IQGAP2: variants seen among roughly 807,000 people sequenced by gnomAD.
IQGAP2 encodes the protein IQ motif containing GTPase activating protein 2.
IQGAP2 carries 173 observed loss-of-function variants against 201.3 expected under a neutral mutation model. The observed-to-expected ratio is 0.86, with a 90% CI of 0.76 to 0.98. The LOEUF is 0.98. Ranked by LOEUF, IQGAP2 falls within the 50% of genes least tolerant of loss-of-function variation. The pLI is 0.00. For synonymous variants in IQGAP2, 675 were observed against 673.9 expected (o/e 1.00, Z -0.03); for missense variants, 1,687 against 1,864.8 (o/e 0.90, Z 1.76).
intron 9 of IQGAP2, among the ~76,000 whole-genome samples, chr5:76,595,627 G>A (rs530776455): frequency 6.6e-6 from 1 of 151,974 alleles, no homozygotes; most frequent in East Asian, 1.9e-4. Flanking sequence ...CGGGTGTGGT[G>A]GCACACAACT....
At chr5:76,618,317 T>C in intron 13 of IQGAP2, 1 of 1,614,170 alleles carries the variant, frequency 6.2e-7, no homozygotes, top group South Asian at 1.1e-5. Context: ...TGGTGTAGAA[T>C]ACAGTGGTAC....
intron 17 of IQGAP2, among the ~76,000 whole-genome samples, chr5:76,647,295 T>A (rs1384204640): frequency 2.0e-5 from 3 of 151,892 alleles, no homozygotes; most frequent in African/African-American, 7.2e-5. Context: ...GTTCTTTGAG[T>A]TTTCTTTTTG....
chr5:76,429,891 A>ATGAC, intron 1 of IQGAP2, among the ~76,000 whole-genome samples: 1 of 126,890 alleles, frequency 7.9e-6, no homozygotes, highest in African/African-American at 2.7e-5. Context: ...ACACACACAC[A>ATGAC]CACGACTATT....
At chr5:76,435,165 T>C (rs1752587623) in intron 1 of IQGAP2, among the ~76,000 whole-genome samples, 1 of 152,162 alleles carries the variant, frequency 6.6e-6, no homozygotes, top group Admixed American at 6.5e-5. Flanking sequence ...ATCTGTTTAC[T>C]CTGCTGGTTA....
At chr5:76,613,394 G>A (rs1463313848) in intron 13 of IQGAP2, among the ~76,000 whole-genome samples, 3 of 152,118 alleles carry the variant, frequency 2.0e-5, no homozygotes, top group Admixed American at 6.5e-5. Flanking sequence ...CCACAAATTA[G>A]TTATGTGATC....
chr5:76,605,532 G>A (rs923030173), intron 11 of IQGAP2, among the ~76,000 whole-genome samples: 4 of 152,132 alleles, frequency 2.6e-5, no homozygotes, highest in African/African-American at 7.2e-5. Flanking sequence ...AGCCTTTGGA[G>A]AAATGGGCAG....
At position 76,606,170 on chromosome 5, in the gene IQGAP2, C is replaced by A; in HGVS notation, c.1233-9C>A. The A allele has an allele frequency of 6.3e-7, 1 of 1,583,512 alleles. No individual in the cohort carries two copies. Among genetic ancestry groups the A allele is most frequent in the South Asian group, 1.2e-5 (1 of 83,722 alleles). ...CTAATTAACATCAAGATTATTTTCT[C>A]TTCCACAGTTATGCAAACACACTAC... On this transcript the variant is annotated splice_polypyrimidine_tract_variant and intron_variant, in intron 11 of 35. Transcript: ENST00000274364.
intron 2 of IQGAP2, among the ~76,000 whole-genome samples, chr5:76,531,686 A>G (rs892477008): frequency 1.3e-5 from 2 of 152,226 alleles, no homozygotes; most frequent in Admixed American, 6.5e-5. Flanking sequence ...TTAATTATTC[A>G]AAGAATACAT....
At chr5:76,445,692 T>C (rs1364093604) in intron 1 of IQGAP2, among the ~76,000 whole-genome samples, 1 of 152,162 alleles carries the variant, frequency 6.6e-6, no homozygotes, top group African/African-American at 2.4e-5. Context: ...CTCGAACTCC[T>C]GACTTCAGGT....
rs2150544930 is a variant in IQGAP2 at position 76,695,609 on chromosome 5, G to A, written c.4149G>A (p.Gln1383=). The A allele has an allele frequency of 6.2e-7, 1 of 1,614,148 alleles. No homozygotes were observed. The highest frequency in any genetic ancestry group is 1.3e-5 in the African/African-American group (1 of 75,034). ...AGAGGAATCTTCGGACGTTGGAACA[G>A]ACTGGACACGTGTCATCCGAAAATA... ...KIQRNLRTLE[Q]TGHVSSENKY... Residue 1383 remains glutamine (Q), a synonymous_variant, in exon 32 of 36, where the codon CAG becomes CAA. Transcript: ENST00000274364.
At chr5:76,598,423 C>A (rs1173821658) in intron 10 of IQGAP2, among the ~76,000 whole-genome samples, 1 of 151,914 alleles carries the variant, frequency 6.6e-6, no homozygotes, top group Non-Finnish European at 1.5e-5. Context: ...AAAACATGAG[C>A]AGGCAATTCA....
chr5:76,689,243 A>T (rs1746055377), intron 30 of IQGAP2, among the ~76,000 whole-genome samples: 1 of 149,226 alleles, frequency 6.7e-6, no homozygotes, highest in Admixed American at 6.6e-5. Flanking sequence ...AAAAAAAAAA[A>T]AAAAAAAAAA....
chr5:76,643,452 T>C (rs1751754520), intron 17 of IQGAP2, among the ~76,000 whole-genome samples: 1 of 152,188 alleles, frequency 6.6e-6, no homozygotes, highest in South Asian at 2.1e-4. Flanking sequence ...GAAGACTGAC[T>C]GGAATAATTC....
intron 2 of IQGAP2, among the ~76,000 whole-genome samples, chr5:76,532,813 G>A (rs758352928): frequency 7.9e-5 from 12 of 152,204 alleles, no homozygotes; most frequent in Non-Finnish European, 1.0e-4. Context: ...CCTCTGAGAG[G>A]ATGGCCCAGA....
intron 2 of IQGAP2, among the ~76,000 whole-genome samples, chr5:76,502,743 T>C (rs781457421): frequency 6.6e-6 from 1 of 152,228 alleles, no homozygotes; most frequent in Non-Finnish European, 1.5e-5. Context: ...AAAAACATTT[T>C]CTTTATTTTT....
chr5:76,674,966 A>T (rs185909945), intron 27 of IQGAP2, among the ~76,000 whole-genome samples: 1 of 152,210 alleles, frequency 6.6e-6, no homozygotes, highest in African/African-American at 2.4e-5. Flanking sequence ...TCTGCTGCTG[A>T]CAAAATGGCA....
chr5:76,427,139 TATC>T (rs765803298), intron 1 of IQGAP2, among the ~76,000 whole-genome samples: 14 of 152,286 alleles, frequency 9.2e-5, no homozygotes, highest in Non-Finnish European at 1.8e-4. Context: ...GGATGTTTAG[TATC>T]ATCCCTGACA....
intron 1 of IQGAP2, among the ~76,000 whole-genome samples, chr5:76,426,203 C>T (rs116834726): frequency 3.3e-5 from 5 of 152,264 alleles, no homozygotes; most frequent in African/African-American, 1.2e-4. Flanking sequence ...GCATGCCAGG[C>T]CTGGAGCTTT....
At chr5:76,618,341 C>T in intron 13 of IQGAP2, 1 of 1,614,080 alleles carries the variant, frequency 6.2e-7, no homozygotes, top group East Asian at 2.2e-5. Context: ...TGGATCTGGT[C>T]CTGAAGAAAA....
Sources: allele counts gnomAD v4.1 joint callset (sites outside exome capture counted in the v4.1 genomes callset), GRCh38; gene constraint gnomAD v4.1.1; transcripts MANE v1.5; gene names NCBI Gene and HGNC (gene_info 2026-07-23, HGNC 2026-07-21).